CIRSR: variants seen among roughly 807,000 people sequenced by gnomAD.
CIRSR encodes the protein corepressor of RBPJ and splicing regulator.
the CIRSR span, among the ~76,000 whole-genome samples, chr2:174,393,450 A>G: frequency 1.3e-5 from 2 of 152,104 alleles, no homozygotes; most frequent in Non-Finnish European, 2.9e-5. Context: ...ACAAACAAGG[A>G]AAAAAAGAAC....
chr2:174,351,894 G>A, the CIRSR span: 6 of 460,200 alleles, frequency 1.3e-5, no homozygotes, highest in Non-Finnish European at 1.9e-5. Context: ...ACAGCAGTCT[G>A]GAGATTCAGA....
At chr2:174,385,036 A>G in the CIRSR span, among the ~76,000 whole-genome samples, 1 of 151,948 alleles carries the variant, frequency 6.6e-6, no homozygotes, top group Non-Finnish European at 1.5e-5. Context: ...ACAGTGAGTG[A>G]GAGACCCTGT....
At chr2:174,350,568 C>G in the CIRSR span, 1 of 718,482 alleles carries the variant, frequency 1.4e-6, no homozygotes, top group Non-Finnish European at 2.2e-6. Flanking sequence ...GGTATAAGGA[C>G]CTTCATGAGC....
At chr2:174,354,046 A>G in the CIRSR span, among the ~76,000 whole-genome samples, 2 of 152,098 alleles carry the variant, frequency 1.3e-5, no homozygotes, top group South Asian at 4.1e-4. Context: ...TAATTTTAAT[A>G]AGATGTTATA....
the CIRSR span, among the ~76,000 whole-genome samples, chr2:174,354,474 T>A: frequency 1.1e-5 from 1 of 93,552 alleles, no homozygotes; most frequent in African/African-American, 4.4e-5. Context: ...AAAATATATA[T>A]AATATATATT....
At chr2:174,372,038 C>G in the CIRSR span, among the ~76,000 whole-genome samples, 10 of 152,114 alleles carry the variant, frequency 6.6e-5, no homozygotes, top group Non-Finnish European at 8.8e-5. Context: ...AAATTCAGAA[C>G]ACAACATCAT....
the CIRSR span, chr2:174,349,089 T>G: frequency 1.3e-6 from 2 of 1,545,730 alleles, no homozygotes; most frequent in Non-Finnish European, 1.7e-6. Flanking sequence ...GGACTTATGT[T>G]TTTTGTGTTT....
chr2:174,351,527 A>C, the CIRSR span: 2 of 986,018 alleles, frequency 2.0e-6, no homozygotes, highest in Non-Finnish European at 3.1e-6. Context: ...TCCTATGGAT[A>C]TATGCATATT....
chr2:174,356,503 G>A, the CIRSR span, among the ~76,000 whole-genome samples: 7 of 112,582 alleles, frequency 6.2e-5, no homozygotes, highest in African/African-American at 1.9e-4. Flanking sequence ...CGGGAAGGAA[G>A]AAGGGAAGGA....
the CIRSR span, among the ~76,000 whole-genome samples, chr2:174,354,194 A>T: frequency 2.7e-5 from 4 of 150,110 alleles, no homozygotes; most frequent in East Asian, 7.8e-4. Context: ...CCAACTGAAA[A>T]CTCTGTGTAG....
chr2:174,350,703 A>T, the CIRSR span: 1 of 1,610,010 alleles, frequency 6.2e-7, no homozygotes, highest in Non-Finnish European at 8.5e-7. Flanking sequence ...GACTTTAAAA[A>T]TTCAACTTCT....
At chr2:174,383,868 G>T in the CIRSR span, among the ~76,000 whole-genome samples, 1 of 102,736 alleles carries the variant, frequency 9.7e-6, no homozygotes, top group African/African-American at 3.6e-5. Flanking sequence ...AAAAAAAAAA[G>T]AAAATAACAA....
At chr2:174,371,940 T>C in the CIRSR span, among the ~76,000 whole-genome samples, 1 of 152,124 alleles carries the variant, frequency 6.6e-6, no homozygotes, top group Non-Finnish European at 1.5e-5. Flanking sequence ...ATTCAATAGG[T>C]GATTTTTTTT....
the CIRSR span, among the ~76,000 whole-genome samples, chr2:174,394,443 G>GA: frequency 6.0e-3 from 916 of 151,890 alleles, 11 homozygotes; most frequent in African/African-American, 0.02. Flanking sequence ...TGGTGCAGTG[G>GA]AAAAAAAATC....
the CIRSR span, chr2:174,387,800 T>G: frequency 1.7e-5 from 27 of 1,546,316 alleles, no homozygotes; most frequent in Middle Eastern, 1.2e-3. Context: ...GAAGTAAAAA[T>G]GCAAATTAAA....
At chr2:174,349,150 T>A in the CIRSR span, 1 of 1,466,490 alleles carries the variant, frequency 6.8e-7, no homozygotes, top group Non-Finnish European at 9.0e-7. Flanking sequence ...TTCTTTTTTT[T>A]CTTCTCCAGT....
At chr2:174,362,105 C>A in the CIRSR span, among the ~76,000 whole-genome samples, 1 of 151,926 alleles carries the variant, frequency 6.6e-6, no homozygotes, top group African/African-American at 2.4e-5. Context: ...TGAGACTAGC[C>A]TGGGCAACAT....
At chr2:174,351,669 G>C in the CIRSR span, 1 of 1,613,848 alleles carries the variant, frequency 6.2e-7, no homozygotes, top group Admixed American at 1.7e-5. Flanking sequence ...TTTCGTTTCA[G>C]TGCAAACCCA....
At chr2:174,362,652 A>G in the CIRSR span, among the ~76,000 whole-genome samples, 1 of 127,234 alleles carries the variant, frequency 7.9e-6, no homozygotes, top group Non-Finnish European at 1.5e-5. Context: ...ACGCCACTGC[A>G]CTCCAGCCTG....
Sources: allele counts gnomAD v4.1 joint callset (sites outside exome capture counted in the v4.1 genomes callset), GRCh38; gene constraint gnomAD v4.1.1; transcripts MANE v1.5; gene names NCBI Gene and HGNC (gene_info 2026-07-23, HGNC 2026-07-21).